DTNB: variants seen among roughly 807,000 people sequenced by gnomAD.
The protein encoded by DTNB is dystrobrevin beta.
Under a neutral mutation model 90.7 loss-of-function variants are expected in DTNB, and 63 were observed. That is an observed-to-expected ratio of 0.69 (90% CI 0.57 to 0.86). DTNB has a LOEUF of 0.86. Among genes scored for constraint, DTNB ranks in the 40% least tolerant of loss-of-function variants. The probability of loss-of-function intolerance (pLI) is 0.00; values close to 1 mark genes in which losing one functional copy is unlikely to be tolerated. For synonymous variants in DTNB, 277 were observed against 286.7 expected (o/e 0.97, Z 0.34); for missense variants, 744 against 807.1 (o/e 0.92, Z 0.95).
chr2:25,643,545 AAGTT>A (rs1423639700), intron 2 of DTNB, among the ~76,000 whole-genome samples: 5 of 152,212 alleles, frequency 3.3e-5, no homozygotes, highest in African/African-American at 7.2e-5. Flanking sequence ...CAAAATCAAA[AAGTT>A]AGACAAACTG....
At chr2:25,482,709 C>G (rs1204449256) in intron 10 of DTNB, 87 bp downstream of exon 10, 2 of 1,372,402 alleles carry the variant, frequency 1.5e-6, no homozygotes, top group African/African-American at 2.9e-5. Flanking sequence ...GTGGAACAAC[C>G]TGCTTTTCAG....
At chr2:25,574,498 A>C (rs2060364201) in intron 8 of DTNB, among the ~76,000 whole-genome samples, 1 of 152,252 alleles carries the variant, frequency 6.6e-6, no homozygotes, top group Non-Finnish European at 1.5e-5. Flanking sequence ...GTACTACTTA[A>C]AACTCATATG....
At chr2:25,638,854 G>A (rs923021289) in intron 3 of DTNB, among the ~76,000 whole-genome samples, 160 bp downstream of exon 3, 3 of 152,142 alleles carry the variant, frequency 2.0e-5, no homozygotes, top group African/African-American at 7.2e-5. Context: ...GGACAAAGAA[G>A]TAAAATGACA....
intron 8 of DTNB, among the ~76,000 whole-genome samples, chr2:25,542,349 C>A (rs2081460108): frequency 6.6e-6 from 1 of 152,124 alleles, no homozygotes; most frequent in Admixed American, 6.5e-5. Flanking sequence ...TAAGAATACA[C>A]CCTTAATTGC....
At chr2:25,469,670 C>T (rs2062426499) in intron 10 of DTNB, among the ~76,000 whole-genome samples, 2 of 152,158 alleles carry the variant, frequency 1.3e-5, no homozygotes, top group South Asian at 4.1e-4. Flanking sequence ...TGGTCTCAAA[C>T]TCCTGACCTC....
At chr2:25,553,210 C>A (rs1462145764) in intron 8 of DTNB, among the ~76,000 whole-genome samples, 1 of 152,056 alleles carries the variant, frequency 6.6e-6, no homozygotes. Context: ...ACCTTAGCCT[C>A]CCGAGTAGCT....
intron 1 of DTNB, among the ~76,000 whole-genome samples, chr2:25,654,617 GTTTTC>G (rs1251396192): frequency 6.6e-6 from 1 of 152,154 alleles, no homozygotes; most frequent in Non-Finnish European, 1.5e-5. Context: ...TCTAACAATA[GTTTTC>G]TTTAACTAGC....
At chr2:25,558,016 G>C (rs2151168640) in intron 8 of DTNB, among the ~76,000 whole-genome samples, 1 of 152,268 alleles carries the variant, frequency 6.6e-6, no homozygotes, top group African/African-American at 2.4e-5. Flanking sequence ...GTGGAGTGAG[G>C]GGCATGTAAA....
Position 25,457,448 on chromosome 2 carries a change from C to T in DTNB, c.1080-1954G>A, listed in dbSNP as rs568802155. On this transcript the variant is annotated intron_variant, in intron 10 of 20. Coordinates refer to ENST00000406818, the MANE Select transcript of DTNB (RefSeq NM_021907.5). ...AGGGTGCCCACTGTTCTAGGCTCACCGATTCTAGGCCTTCTCAGTGGAAAA... is the reference window on the plus strand; with the variant it reads ...AGGGTGCCCACTGTTCTAGGCTCACTGATTCTAGGCCTTCTCAGTGGAAAA... 4.6e-5 allele frequency among the ~76,000 whole-genome samples: 7 copies of T among 152,106 alleles called. No individual in the cohort carries two copies. In the South Asian group the frequency reaches 1.5e-3, roughly 32 times the overall value.
At chr2:25,657,491 GGCAGA>G (rs1194343764) in intron 1 of DTNB, among the ~76,000 whole-genome samples, 2 of 152,120 alleles carry the variant, frequency 1.3e-5, no homozygotes, top group Non-Finnish European at 1.5e-5. Context: ...GGCTGAGGTG[GGCAGA>G]TCACTTCAGC....
At chr2:25,379,484 G>A in intron 19 of DTNB, 161 bp from the exon 20 acceptor site, 7 of 893,692 alleles carry the variant, frequency 7.8e-6, no homozygotes, top group Non-Finnish European at 1.0e-5. Flanking sequence ...ATGACAGCAG[G>A]GTAGAGTCAT....
At position 25,589,367 on chromosome 2, in the gene DTNB, C is replaced by CTTTTTTTTTTTTTTTTTT. The variant is rs1169808182; in HGVS notation, c.603+6701_603+6718dup. On this transcript the variant is annotated intron_variant, in intron 6 of 20. Coordinates refer to ENST00000406818, the MANE Select transcript of DTNB (RefSeq NM_021907.5). Reference sequence around the variant, plus strand: ...GCTTATTCAGGTTTCTTTTTCTTTTCTTTTTTTTTTTTTTTTTTTTTTTTT... The same window carrying CTTTTTTTTTTTTTTTTTT: ...GCTTATTCAGGTTTCTTTTTCTTTTCTTTTTTTTTTTTTTTTTTTTTTTTTTTTTTTTTTTTTTTTTTT... Among the ~76,000 whole-genome samples the CTTTTTTTTTTTTTTTTTT allele has an allele frequency of 4.5e-4, 26 of 57,546 alleles. 2 individuals carry two copies. Among genetic ancestry groups the CTTTTTTTTTTTTTTTTTT allele is most frequent in the Non-Finnish European group, 5.1e-4 (17 of 33,600 alleles). 37.8% of individuals were successfully genotyped at this position (57,546 alleles called of 152,430 possible).
chr2:25,526,395 A>ATATATATATATTTATTTTT, intron 9 of DTNB, among the ~76,000 whole-genome samples: 1 of 49,860 alleles, frequency 2.0e-5, no homozygotes, highest in Non-Finnish European at 3.4e-5. Context: ...ATATATATAT[A>ATATATATATATTTATTTTT]TTTTTTTTTT....
At chr2:25,560,700 C>T (rs1346026769) in intron 8 of DTNB, among the ~76,000 whole-genome samples, 1 of 152,178 alleles carries the variant, frequency 6.6e-6, no homozygotes, top group Non-Finnish European at 1.5e-5. Flanking sequence ...AAGCCATTTC[C>T]TTACAATAAA....
At chr2:25,464,409 G>C (rs1286807686) in intron 10 of DTNB, among the ~76,000 whole-genome samples, 1 of 152,206 alleles carries the variant, frequency 6.6e-6, no homozygotes, top group East Asian at 1.9e-4. Flanking sequence ...CCACTAGCCA[G>C]AGTTGGAACA....
At chr2:25,570,561 C>G (rs572916882) in intron 8 of DTNB, among the ~76,000 whole-genome samples, 1 of 152,260 alleles carries the variant, frequency 6.6e-6, no homozygotes, top group East Asian at 1.9e-4. Flanking sequence ...AGAAACTGTT[C>G]TCCAGACAAT....
intron 6 of DTNB, among the ~76,000 whole-genome samples, chr2:25,582,375 A>T (rs1489235400): frequency 6.6e-6 from 1 of 152,188 alleles, no homozygotes; most frequent in Non-Finnish European, 1.5e-5. Context: ...GACTGGGAGA[A>T]TCTTGATTCC....
chr2:25,634,129 C>G (rs1241644718), intron 3 of DTNB, among the ~76,000 whole-genome samples: 1 of 150,840 alleles, frequency 6.6e-6, no homozygotes, highest in Non-Finnish European at 1.5e-5. Flanking sequence ...GCCCCCTGCC[C>G]GGCCAGCCGC....
intron 9 of DTNB, among the ~76,000 whole-genome samples, chr2:25,510,146 T>A (rs2073622531): frequency 6.6e-6 from 1 of 152,126 alleles, no homozygotes; most frequent in Admixed American, 6.5e-5. Context: ...TTTTATTTTG[T>A]CCTTCTGGAA....
Sources: allele counts gnomAD v4.1 joint callset (sites outside exome capture counted in the v4.1 genomes callset), GRCh38; gene constraint gnomAD v4.1.1; transcripts MANE v1.5; gene names NCBI Gene and HGNC (gene_info 2026-07-23, HGNC 2026-07-21).